Variants in NLGN1 observed in about 807,000 individuals in gnomAD.
The protein encoded by NLGN1 is neuroligin-1.
In NLGN1, 12 loss-of-function variants were observed where a neutral mutation model predicts 65.5. The observed-to-expected ratio is 0.18, with a 90% CI of 0.12 to 0.30. The LOEUF (loss-of-function observed/expected upper bound fraction) is 0.30. NLGN1 is among the 10% of genes least tolerant of loss of function. The pLI is 1.00. For missense variants in NLGN1, 750 were observed against 1,007.1 expected (o/e 0.74, Z 3.46); for synonymous variants, 350 against 359.5 (o/e 0.97, Z 0.30).
chr3:173,631,318 A>G (rs1324703803), intron 3 of NLGN1, among the ~76,000 whole-genome samples: 2 of 151,948 alleles, frequency 1.3e-5, no homozygotes, highest in East Asian at 3.9e-4. Context: ...TGTAGATTAT[A>G]TATATCTCTT....
chr3:174,292,927 T>C, the NLGN1 span, among the ~76,000 whole-genome samples: 3 of 151,302 alleles, frequency 2.0e-5, no homozygotes, highest in African/African-American at 7.3e-5. Context: ...AGGAAGTACA[T>C]CAAAGAAGCA....
chr3:173,422,166 C>T (rs116580358), intron 1 of NLGN1, among the ~76,000 whole-genome samples: 5,854 of 152,032 alleles, frequency 0.039, 372 homozygotes, highest in African/African-American at 0.13. Context: ...CACACACATA[C>T]ACACAATGGA....
chr3:173,990,028 G>A (rs1238624946), intron 4 of NLGN1, among the ~76,000 whole-genome samples: 1 of 152,194 alleles, frequency 6.6e-6, no homozygotes, highest in Non-Finnish European at 1.5e-5. Flanking sequence ...ATCCTCAGCA[G>A]CTAGACACAT....
intron 4 of NLGN1, among the ~76,000 whole-genome samples, chr3:173,942,021 T>G (rs1379271567): frequency 6.6e-6 from 1 of 151,830 alleles, no homozygotes; most frequent in Non-Finnish European, 1.5e-5. Flanking sequence ...TGTCCACTAT[T>G]GATGCTCCCT....
At chr3:173,789,204 AAAAG>A (rs755949039) in intron 3 of NLGN1, among the ~76,000 whole-genome samples, 44 of 152,050 alleles carry the variant, frequency 2.9e-4, no homozygotes, top group African/African-American at 5.3e-4. Flanking sequence ...ATCCAAAAAA[AAAAG>A]AAAGAGAGAG....
intron 2 of NLGN1, among the ~76,000 whole-genome samples, chr3:173,459,704 T>G (rs1020608031): frequency 1.4e-4 from 21 of 152,148 alleles, no homozygotes; most frequent in African/African-American, 3.9e-4. Context: ...TTGCCATCAA[T>G]ATATTTATAA....
At chr3:174,240,286 A>T (rs1289091319) in intron 4 of NLGN1, among the ~76,000 whole-genome samples, 1 of 151,946 alleles carries the variant, frequency 6.6e-6, no homozygotes, top group Non-Finnish European at 1.5e-5. Context: ...GAGAAAGAAC[A>T]TAATACATAT....
Position 173,935,494 on chromosome 3 carries a change from C to CA in NLGN1, c.646+127668dup, listed in dbSNP as rs577002766. Among the ~76,000 whole-genome samples the CA allele has an allele frequency of 4.0e-3, 605 of 151,416 alleles. 6 individuals carry two copies. The highest frequency in any genetic ancestry group is 3.9e-3 in the Non-Finnish European group (267 of 67,778). Reference sequence around the variant, plus strand: ...TGGTTTTATTGGAGCCCAGGAGAAACAAAAAATCCAGTAATGACACTCTTC... The same window carrying CA: ...TGGTTTTATTGGAGCCCAGGAGAAACAAAAAAATCCAGTAATGACACTCTTC... On this transcript the variant is annotated intron_variant, in intron 4 of 6. Coordinates refer to ENST00000457714, the Ensembl canonical transcript of NLGN1.
At chr3:173,498,117 A>C (rs531090048) in intron 2 of NLGN1, among the ~76,000 whole-genome samples, 2 of 151,562 alleles carry the variant, frequency 1.3e-5, no homozygotes, top group Non-Finnish European at 2.9e-5. Flanking sequence ...GGTTTGTTAC[A>C]TATGTATACA....
chr3:174,128,840 C>T (rs116372946), intron 4 of NLGN1, among the ~76,000 whole-genome samples: 8,382 of 152,160 alleles, frequency 0.055, 294 homozygotes, highest in African/African-American at 0.086. Flanking sequence ...GATTATCAAT[C>T]ACCCTCCTCA....
intron 4 of NLGN1, among the ~76,000 whole-genome samples, chr3:173,977,825 G>A (rs1717850251): frequency 6.6e-6 from 1 of 152,036 alleles, no homozygotes; most frequent in Non-Finnish European, 1.5e-5. Flanking sequence ...AGATATAACT[G>A]TATGACTCAG....
chr3:173,398,978 A>G (rs1038242114), intron 1 of NLGN1, among the ~76,000 whole-genome samples: 2 of 152,232 alleles, frequency 1.3e-5, no homozygotes, highest in African/African-American at 2.4e-5. Context: ...TGTAAAACCT[A>G]TAAAATGTCT....
chr3:173,859,492 G>A (rs1019810835), intron 4 of NLGN1, among the ~76,000 whole-genome samples: 2 of 152,056 alleles, frequency 1.3e-5, no homozygotes, highest in African/African-American at 4.8e-5. Context: ...AAGAATCTAG[G>A]AAAATATTTG....
chr3:173,465,609 G>C (rs1480270833), intron 2 of NLGN1, among the ~76,000 whole-genome samples: 1 of 152,178 alleles, frequency 6.6e-6, no homozygotes, highest in Non-Finnish European at 1.5e-5. Flanking sequence ...AAAATTCATA[G>C]AAGTGAATGT....
At chr3:174,148,944 C>G (rs1419112456) in intron 4 of NLGN1, among the ~76,000 whole-genome samples, 2 of 152,128 alleles carry the variant, frequency 1.3e-5, no homozygotes, top group Non-Finnish European at 2.9e-5. Context: ...TCATTCAAAA[C>G]CTGTTAACAA....
chr3:174,027,752 A>T (rs766857929), intron 4 of NLGN1, among the ~76,000 whole-genome samples: 18 of 152,302 alleles, frequency 1.2e-4, no homozygotes, highest in Admixed American at 2.6e-4. Flanking sequence ...TATGAAATTA[A>T]AGATGAGGGA....
At chr3:173,881,167 C>T (rs1034116171) in intron 4 of NLGN1, among the ~76,000 whole-genome samples, 6 of 143,590 alleles carry the variant, frequency 4.2e-5, no homozygotes, top group Non-Finnish European at 7.5e-5. Flanking sequence ...GGTGCGATCT[C>T]AGCTCACTGC....
chr3:174,256,784 G>A (rs941936690), intron 4 of NLGN1, among the ~76,000 whole-genome samples: 19 of 152,054 alleles, frequency 1.2e-4, no homozygotes, highest in African/African-American at 4.3e-4. Context: ...AGACTTAAAT[G>A]TAAAACCCAA....
At chr3:174,108,161 AT>A (rs889810329) in intron 4 of NLGN1, among the ~76,000 whole-genome samples, 24 of 151,772 alleles carry the variant, frequency 1.6e-4, no homozygotes, top group African/African-American at 3.4e-4. Flanking sequence ...TATTGTATTG[AT>A]TTTTTTTCTT....
Sources: allele counts gnomAD v4.1 joint callset (sites outside exome capture counted in the v4.1 genomes callset), GRCh38; gene constraint gnomAD v4.1.1; transcripts MANE v1.5; gene names NCBI Gene and HGNC (gene_info 2026-07-23, HGNC 2026-07-21).